SAMMSON: variants seen among roughly 807,000 people sequenced by gnomAD.
SAMMSON encodes the protein long intergenic non-protein coding RNA 1212.
intron 4 of SAMMSON, among the ~76,000 whole-genome samples, chr3:70,133,276 A>C (rs2106675506): frequency 6.6e-6 from 1 of 152,264 alleles, no homozygotes; most frequent in South Asian, 2.1e-4. Flanking sequence ...TGATTTAATC[A>C]ATCAGGCCCG....
intron 9 of SAMMSON, among the ~76,000 whole-genome samples, chr3:70,373,763 A>AT (rs1172805677): frequency 1.3e-5 from 2 of 151,942 alleles, no homozygotes; most frequent in Admixed American, 6.6e-5. Flanking sequence ...GAGTTTTTAA[A>AT]TTTTAGTTAT....
chr3:70,377,920 A>G (rs957804252), intron 9 of SAMMSON, among the ~76,000 whole-genome samples: 14 of 152,008 alleles, frequency 9.2e-5, no homozygotes, highest in African/African-American at 2.9e-4. Context: ...CTTTTTGCCC[A>G]TCAGACTGAC....
chr3:70,427,477 C>T (rs1465011964), intron 2 of SAMMSON, among the ~76,000 whole-genome samples: 4 of 152,110 alleles, frequency 2.6e-5, no homozygotes, highest in South Asian at 2.1e-4. Context: ...CGGTGGCTCA[C>T]GCCTGTAATC....
chr3:70,223,469 AT>A (rs1701477557), intron 4 of SAMMSON, among the ~76,000 whole-genome samples: 1 of 152,072 alleles, frequency 6.6e-6, no homozygotes, highest in Middle Eastern at 3.2e-3. Context: ...AAATGATTCC[AT>A]TTTTTCCTTC....
At chr3:70,109,139 C>T (rs918823647) in intron 4 of SAMMSON, among the ~76,000 whole-genome samples, 10 of 152,094 alleles carry the variant, frequency 6.6e-5, no homozygotes, top group Admixed American at 4.6e-4. Flanking sequence ...CTGGAACCAC[C>T]CTTCTATCAA....
intron 7 of SAMMSON, among the ~76,000 whole-genome samples, chr3:70,294,943 C>G (rs952640287): frequency 4.6e-5 from 7 of 152,154 alleles, no homozygotes; most frequent in Non-Finnish European, 1.0e-4. Context: ...ACAACCAACT[C>G]ACCTCTCCTG....
chr3:70,095,515 T>A (rs897246227), intron 4 of SAMMSON, among the ~76,000 whole-genome samples: 6 of 152,182 alleles, frequency 3.9e-5, no homozygotes, highest in African/African-American at 1.4e-4. Context: ...TACTTTTCTT[T>A]GTAGGACTCG....
At chr3:70,201,992 A>C (rs924946384) in intron 4 of SAMMSON, among the ~76,000 whole-genome samples, 1 of 152,110 alleles carries the variant, frequency 6.6e-6, no homozygotes, top group African/African-American at 2.4e-5. Context: ...CTTTGCTTTT[A>C]TCTCTCTCTG....
chr3:70,029,582 C>T (rs890023069), intron 3 of SAMMSON, among the ~76,000 whole-genome samples: 11 of 151,858 alleles, frequency 7.2e-5, no homozygotes, highest in East Asian at 1.9e-4. Flanking sequence ...GGTGAAATCC[C>T]GTCTCTACTA....
At chr3:70,158,795 T>C (rs1476224936) in intron 4 of SAMMSON, among the ~76,000 whole-genome samples, 2 of 152,104 alleles carry the variant, frequency 1.3e-5, no homozygotes, top group East Asian at 1.9e-4. Context: ...ACTGAGTAGA[T>C]TAATACTTTA....
intron 4 of SAMMSON, among the ~76,000 whole-genome samples, chr3:70,148,882 C>T (rs1482764909): frequency 6.6e-6 from 1 of 151,922 alleles, no homozygotes; most frequent in African/African-American, 2.4e-5. Flanking sequence ...CTGCAGAAAG[C>T]GTGATGGTTT....
chr3:70,256,287 T>C (rs918350639), intron 6 of SAMMSON, among the ~76,000 whole-genome samples: 2 of 152,200 alleles, frequency 1.3e-5, no homozygotes, highest in Non-Finnish European at 2.9e-5. Context: ...ATTTTCTAAG[T>C]CAGACAGAGA....
intron 3 of SAMMSON, among the ~76,000 whole-genome samples, chr3:70,026,032 G>A (rs1002208394): frequency 1.3e-5 from 2 of 151,766 alleles, no homozygotes; most frequent in Non-Finnish European, 2.9e-5. Flanking sequence ...TCAGGGTAAT[G>A]GAAATGACAA....
In SAMMSON at chr3:70,053,011, G is replaced by A. The variant is rs760582918; in HGVS notation, n.418-18465G>A. ...AAAAAAGTCAAAAGACAAAAAATGC[G>A]TAATAAGCCTATCAGTGCTCTGAAA... On this transcript the variant is annotated intron_variant and non_coding_transcript_variant, in intron 3 of 9. Transcript: ENST00000642114. 7.9e-5 allele frequency among the ~76,000 whole-genome samples: 12 copies of A among 152,070 alleles called. No homozygotes were observed. In the East Asian group the frequency reaches 1.2e-3, roughly 15 times the overall value.
intron 7 of SAMMSON, among the ~76,000 whole-genome samples, chr3:70,317,081 G>A (rs1037400507): frequency 1.3e-5 from 2 of 151,942 alleles, no homozygotes; most frequent in African/African-American, 2.4e-5. Context: ...TCCACTTCAT[G>A]TTATGGGTAA....
chr3:70,135,883 G>A (rs2067503922), intron 4 of SAMMSON, among the ~76,000 whole-genome samples: 2 of 150,296 alleles, frequency 1.3e-5, no homozygotes, highest in Admixed American at 6.6e-5. Flanking sequence ...TTAATCACTT[G>A]AGCATGTGGC....
At chr3:70,381,548 A>G (rs151288990) in intron 9 of SAMMSON, among the ~76,000 whole-genome samples, 47 of 152,320 alleles carry the variant, frequency 3.1e-4, no homozygotes, top group Non-Finnish European at 5.6e-4. Context: ...TGTCATATTA[A>G]TAAATGAGAC....
chr3:70,264,829 T>A (rs1559548596), intron 6 of SAMMSON, among the ~76,000 whole-genome samples: 1 of 152,228 alleles, frequency 6.6e-6, no homozygotes, highest in East Asian at 1.9e-4. Flanking sequence ...ACATCGGGGA[T>A]GTATTAGTCT....
intron 6 of SAMMSON, among the ~76,000 whole-genome samples, chr3:70,288,747 G>A (rs1045074382): frequency 4.6e-5 from 7 of 151,802 alleles, no homozygotes; most frequent in African/African-American, 1.5e-4. Flanking sequence ...GTGCTCCTGT[G>A]TTGGGTGCAT....
Sources: gnomAD v4.1 joint callset for allele counts (sites outside exome capture counted in the v4.1 genomes callset) on GRCh38, gnomAD v4.1.1 for gene constraint, MANE v1.5 for transcripts, NCBI Gene and HGNC (gene_info 2026-07-23, HGNC 2026-07-21) for gene names.